The following GALNTL6 variants were observed in gnomAD, a reference collection of about 807,000 sequenced individuals.
The protein encoded by GALNTL6 is polypeptide N-acetylgalactosaminyltransferase-like 6.
GALNTL6 carries 46 observed loss-of-function variants against 73.7 expected under a neutral mutation model. The observed-to-expected ratio is 0.62, with a 90% CI of 0.49 to 0.80. The LOEUF is 0.80. GALNTL6 is among the 30% of genes least tolerant of loss of function. The probability of loss-of-function intolerance (pLI) is 0.00; values close to 1 mark genes in which losing one functional copy is unlikely to be tolerated. For missense variants in GALNTL6, 604 were observed against 755.0 expected, an observed-to-expected ratio of 0.80 and a Z score of 2.34; for synonymous variants, 259 against 263.7, an observed-to-expected ratio of 0.98 and a Z score of 0.17.
At chr4:172,740,641 T>A (rs1467951550) in intron 5 of GALNTL6, among the ~76,000 whole-genome samples, 4 of 152,152 alleles carry the variant, frequency 2.6e-5, no homozygotes, top group Non-Finnish European at 4.4e-5. Context: ...TCTCATATTG[T>A]AAACAAGAGT....
chr4:172,506,480 G>T lies in GALNTL6; in HGVS notation c.553+157791G>T. 3.7e-5 allele frequency among the ~76,000 whole-genome samples: 2 copies of T among 54,374 alleles called. 1 individual carries two copies. Among genetic ancestry groups the T allele is most frequent in the Non-Finnish European group, 8.5e-5 (2 of 23,606 alleles). 35.7% of individuals were successfully genotyped at this position (54,374 alleles called of 152,430 possible). On this transcript the variant is annotated intron_variant, in intron 5 of 12. Transcript: ENST00000506823. ...TGTCTCAGTATATTGGTATGTTACT[G>T]CACTACCACATAGGAACCTGTTGGT...
chr4:172,990,877 TATGAATATA>T (rs1751509961), intron 10 of GALNTL6, among the ~76,000 whole-genome samples: 1 of 152,232 alleles, frequency 6.6e-6, no homozygotes, highest in African/African-American at 2.4e-5. Flanking sequence ...AACACATTTC[TATGAATATA>T]ACTCAAAGAA....
At chr4:172,455,266 G>A (rs1732352936) in intron 5 of GALNTL6, among the ~76,000 whole-genome samples, 1 of 152,200 alleles carries the variant, frequency 6.6e-6, no homozygotes, top group African/African-American at 2.4e-5. Flanking sequence ...TGGGTTTCAA[G>A]CACAAAACTG....
chr4:172,259,542 T>G (rs185103918), intron 3 of GALNTL6, among the ~76,000 whole-genome samples: 1 of 151,784 alleles, frequency 6.6e-6, no homozygotes, highest in African/African-American at 2.4e-5. Flanking sequence ...GTGAATATTT[T>G]CTCCCACTCT....
intron 5 of GALNTL6, among the ~76,000 whole-genome samples, chr4:172,808,102 C>T (rs1741075313): frequency 6.6e-6 from 1 of 152,188 alleles, no homozygotes; most frequent in East Asian, 1.9e-4. Flanking sequence ...AGATTACAGG[C>T]ATGAGCCACC....
At chr4:172,845,339 A>G (rs1038004024) in intron 7 of GALNTL6, among the ~76,000 whole-genome samples, 2 of 152,172 alleles carry the variant, frequency 1.3e-5, no homozygotes, top group Non-Finnish European at 2.9e-5. Flanking sequence ...CATTAATCCA[A>G]TAGATCTCAG....
At chr4:172,180,209 T>A (rs1368048311) in intron 2 of GALNTL6, among the ~76,000 whole-genome samples, 1 of 152,220 alleles carries the variant, frequency 6.6e-6, no homozygotes, top group African/African-American at 2.4e-5. Flanking sequence ...ATGATGAGCT[T>A]TTTTTCATAC....
At chr4:172,103,765 T>C (rs1244190554) in intron 2 of GALNTL6, among the ~76,000 whole-genome samples, 4 of 152,140 alleles carry the variant, frequency 2.6e-5, no homozygotes, top group Non-Finnish European at 5.9e-5. Flanking sequence ...AGCAGTCCTA[T>C]ACAAAGTTAC....
At chr4:172,564,885 A>C (rs1315059116) in intron 5 of GALNTL6, among the ~76,000 whole-genome samples, 1 of 152,226 alleles carries the variant, frequency 6.6e-6, no homozygotes, top group African/African-American at 2.4e-5. Context: ...GAGGAAAGTA[A>C]ATCAAAGGCA....
intron 5 of GALNTL6, among the ~76,000 whole-genome samples, chr4:172,527,566 C>G (rs1300463657): frequency 1.3e-5 from 2 of 152,156 alleles, no homozygotes; most frequent in East Asian, 1.9e-4. Context: ...GATGGATTGT[C>G]TATGCAGTGT....
intron 5 of GALNTL6, among the ~76,000 whole-genome samples, chr4:172,696,644 C>G (rs1733713854): frequency 2.0e-5 from 3 of 152,186 alleles, no homozygotes; most frequent in Admixed American, 2.0e-4. Context: ...TGCATACACT[C>G]TCTTGCCTGC....
chr4:172,907,779 A>G (rs1461157879), intron 8 of GALNTL6, among the ~76,000 whole-genome samples: 1 of 152,170 alleles, frequency 6.6e-6, no homozygotes, highest in East Asian at 1.9e-4. Context: ...TAAAACTAGC[A>G]TGAATTTCTT....
chr4:172,743,585 T>C (rs114634555), intron 5 of GALNTL6, among the ~76,000 whole-genome samples: 1 of 152,014 alleles, frequency 6.6e-6, no homozygotes, highest in African/African-American at 2.4e-5. Flanking sequence ...CTAAGATACA[T>C]AAAGCAATTT....
chr4:172,526,188 A>T (rs338049), intron 5 of GALNTL6, among the ~76,000 whole-genome samples: 120,018 of 152,120 alleles, frequency 0.79, 47,667 homozygotes, highest in East Asian at 0.99. Flanking sequence ...TCCTATTTAT[A>T]TATTTAAGAG....
chr4:171,834,736 C>T (rs1010800032), intron 2 of GALNTL6, among the ~76,000 whole-genome samples: 13 of 151,872 alleles, frequency 8.6e-5, no homozygotes, highest in Admixed American at 3.3e-4. Context: ...GAAAAGTGCT[C>T]TTTTCTATCA....
chr4:172,023,804 A>G (rs1741472774), intron 2 of GALNTL6, among the ~76,000 whole-genome samples: 1 of 151,868 alleles, frequency 6.6e-6, no homozygotes, highest in Non-Finnish European at 1.5e-5. Context: ...TTGGAGAAAC[A>G]TGTAAATACA....
At chr4:171,991,730 G>GTA (rs1248077137) in intron 2 of GALNTL6, among the ~76,000 whole-genome samples, 42 of 98,154 alleles carry the variant, frequency 4.3e-4, no homozygotes, top group African/African-American at 2.3e-3. Flanking sequence ...GTGTGTGTGT[G>GTA]TATATATATA....
intron 2 of GALNTL6, among the ~76,000 whole-genome samples, chr4:172,225,542 G>A (rs1184027121): frequency 6.6e-6 from 1 of 151,500 alleles, no homozygotes; most frequent in Admixed American, 6.6e-5. Flanking sequence ...CTGTCTCTCT[G>A]TTAAGTTTCT....
At chr4:172,748,724 A>C (rs1026930575) in intron 5 of GALNTL6, among the ~76,000 whole-genome samples, 13 of 152,150 alleles carry the variant, frequency 8.5e-5, no homozygotes, top group Admixed American at 1.3e-4. Flanking sequence ...AGTTAATAAT[A>C]ATGTATATTT....
Sources: allele counts gnomAD v4.1 joint callset (sites outside exome capture counted in the v4.1 genomes callset), GRCh38; gene constraint gnomAD v4.1.1; transcripts MANE v1.5; gene names NCBI Gene and HGNC (gene_info 2026-07-23, HGNC 2026-07-21).